The following RALYL variants were observed in gnomAD, a reference collection of about 807,000 sequenced individuals.
RALYL encodes the protein RNA-binding Raly-like protein.
RALYL carries 29 observed loss-of-function variants against 35.1 expected under a neutral mutation model. The ratio of observed to expected loss-of-function variants is 0.83; its 90% confidence interval spans 0.61 to 1.13. RALYL has a LOEUF of 1.13. RALYL is among the 50% of genes most tolerant of loss of function. RALYL has a pLI of 0.00. For synonymous variants in RALYL, 120 were observed against 127.6 expected, an observed-to-expected ratio of 0.94 and a Z score of 0.40; for missense variants, 359 against 360.4, an observed-to-expected ratio of 1.00 and a Z score of 0.03.
intron 1 of RALYL, among the ~76,000 whole-genome samples, chr8:84,478,921 C>CAAA (rs2053727855): frequency 1.6e-5 from 1 of 63,976 alleles, no homozygotes; most frequent in Non-Finnish European, 3.9e-5. Context: ...CCCGTCTCTA[C>CAAA]TAAAAATACA....
At chr8:84,230,281 A>G (rs1372871617) in intron 1 of RALYL, among the ~76,000 whole-genome samples, 1 of 152,102 alleles carries the variant, frequency 6.6e-6, no homozygotes, top group Non-Finnish European at 1.5e-5. Context: ...TAAATATTTT[A>G]TGAAATTCTC....
intron 1 of RALYL, among the ~76,000 whole-genome samples, chr8:84,289,692 C>T (rs1838384099): frequency 6.6e-6 from 1 of 152,094 alleles, no homozygotes; most frequent in African/African-American, 2.4e-5. Context: ...TTCCAATTAC[C>T]AGTGAAATTA....
At chr8:84,782,215 C>A (rs780803020) in intron 3 of RALYL, among the ~76,000 whole-genome samples, 14 of 152,148 alleles carry the variant, frequency 9.2e-5, no homozygotes, top group Non-Finnish European at 2.1e-4. Flanking sequence ...GTAGCTAGAT[C>A]TACAGACTAG....
chr8:84,647,767 A>T (rs773754123), intron 2 of RALYL, among the ~76,000 whole-genome samples: 3 of 152,100 alleles, frequency 2.0e-5, no homozygotes, highest in Non-Finnish European at 4.4e-5. Flanking sequence ...TGTTATGGTG[A>T]TCATTATTAA....
intron 2 of RALYL, among the ~76,000 whole-genome samples, chr8:84,636,960 C>G (rs188116407): frequency 4.9e-4 from 75 of 151,988 alleles, no homozygotes; most frequent in Middle Eastern, 3.4e-3. Flanking sequence ...TCTAACTATT[C>G]TGCTGTGGCT....
chr8:84,392,425 TAAAG>T (rs1860898518), intron 1 of RALYL, among the ~76,000 whole-genome samples: 1 of 150,576 alleles, frequency 6.6e-6, no homozygotes, highest in Non-Finnish European at 1.5e-5. Context: ...CCATATAAAA[TAAAG>T]AGTGAAAAAC....
chr8:84,400,673 A>C (rs796340724), intron 1 of RALYL, among the ~76,000 whole-genome samples: 8 of 152,242 alleles, frequency 5.3e-5, no homozygotes, highest in African/African-American at 1.9e-4. Flanking sequence ...GTCATTTTTC[A>C]AGGGACTTGG....
chr8:84,913,028 ATGGATAGGTAGG>A (rs1379553949), intron 8 of RALYL, among the ~76,000 whole-genome samples: 1 of 77,602 alleles, frequency 1.3e-5, no homozygotes, highest in African/African-American at 4.5e-5. Context: ...GGATGGATGG[ATGGATAGGTAGG>A]TAGATAGATA....
At chr8:84,831,631 G>A (rs752772720) in intron 4 of RALYL, among the ~76,000 whole-genome samples, 7 of 152,110 alleles carry the variant, frequency 4.6e-5, no homozygotes, top group Non-Finnish European at 1.0e-4. Flanking sequence ...AATAATCAGG[G>A]AAGGGGAAAA....
At chr8:84,692,551 A>G (rs1052375743) in intron 2 of RALYL, among the ~76,000 whole-genome samples, 7 of 152,160 alleles carry the variant, frequency 4.6e-5, no homozygotes, top group African/African-American at 1.7e-4. Context: ...TTTCTCACAA[A>G]TTAATCTATA....
chr8:84,229,619 T>G (rs1293842100), intron 1 of RALYL, among the ~76,000 whole-genome samples: 1 of 152,126 alleles, frequency 6.6e-6, no homozygotes, highest in Non-Finnish European at 1.5e-5. Context: ...TGCCCACATC[T>G]CTCACTAAAT....
intron 1 of RALYL, among the ~76,000 whole-genome samples, chr8:84,290,332 A>G (rs1838519882): frequency 6.6e-6 from 1 of 152,070 alleles, no homozygotes; most frequent in Non-Finnish European, 1.5e-5. Flanking sequence ...AGACCACCAA[A>G]CAGGCTTTGT....
intron 1 of RALYL, among the ~76,000 whole-genome samples, chr8:84,416,706 G>A (rs894902356): frequency 1.3e-5 from 2 of 152,120 alleles, no homozygotes; most frequent in Non-Finnish European, 1.5e-5. Flanking sequence ...GGCAGTCTCA[G>A]TATTAACAAC....
intron 1 of RALYL, among the ~76,000 whole-genome samples, chr8:84,298,305 G>A (rs950925830): frequency 1.3e-5 from 2 of 151,976 alleles, no homozygotes; most frequent in Admixed American, 1.3e-4. Flanking sequence ...TTTCCTCATT[G>A]CTTGTTTTTG....
chr8:84,433,055 A>G lies in RALYL; in HGVS notation c.-23-96244A>G, dbSNP rs180752128. Among the ~76,000 whole-genome samples the G allele has an allele frequency of 2.0e-5, 3 of 152,290 alleles. No homozygotes were observed. The East Asian group carries it at 5.8e-4, about 29-fold the overall frequency. ...GTATTAGGTACAATAATTGCTCAAA[A>G]GCGATTGTTCCTATTTTATATAGTC... On this transcript the variant is annotated intron_variant, in intron 1 of 8. Coordinates refer to ENST00000521268, the MANE Select transcript of RALYL (RefSeq NM_173848.7).
chr8:84,773,064 A>G (rs1284342357), intron 2 of RALYL, among the ~76,000 whole-genome samples: 1 of 152,092 alleles, frequency 6.6e-6, no homozygotes, highest in Non-Finnish European at 1.5e-5. Flanking sequence ...GAATCAGATG[A>G]TTTTATGTCT....
chr8:84,748,006 G>C (rs1045185066), intron 2 of RALYL, among the ~76,000 whole-genome samples: 1 of 151,934 alleles, frequency 6.6e-6, no homozygotes, highest in African/African-American at 2.4e-5. Flanking sequence ...AGTTTTGTAA[G>C]TTGGTGAATC....
intron 2 of RALYL, among the ~76,000 whole-genome samples, chr8:84,636,808 G>T (rs964369115): frequency 3.3e-5 from 5 of 151,818 alleles, no homozygotes; most frequent in Non-Finnish European, 5.9e-5. Context: ...AATGTGAGGA[G>T]GGAAACCATA....
intron 3 of RALYL, among the ~76,000 whole-genome samples, chr8:84,797,452 G>A (rs544184210): frequency 3.3e-4 from 51 of 152,266 alleles, no homozygotes; most frequent in African/African-American, 1.2e-3. Flanking sequence ...GCTTGGCAGA[G>A]TCCCTGGCAC....
Sources: allele counts gnomAD v4.1 joint callset (sites outside exome capture counted in the v4.1 genomes callset), GRCh38; gene constraint gnomAD v4.1.1; transcripts MANE v1.5; gene names NCBI Gene and HGNC (gene_info 2026-07-23, HGNC 2026-07-21).